The following LDLRAD3 variants were observed in gnomAD, a reference collection of about 807,000 sequenced individuals.
The protein encoded by LDLRAD3 is low-density lipoprotein receptor class A domain-containing protein 3.
In LDLRAD3, 20 loss-of-function variants were observed where a neutral mutation model predicts 29.4. The ratio of observed to expected loss-of-function variants is 0.68; its 90% CI spans 0.48 to 0.99. The LOEUF (loss-of-function observed/expected upper bound fraction) is 0.99. Ranked by LOEUF, LDLRAD3 falls within the 50% of genes least tolerant of loss-of-function variation. The pLI is 0.00. For missense variants in LDLRAD3, 420 were observed against 454.3 expected, an observed-to-expected ratio of 0.92 and a Z score of 0.69; for synonymous variants, 157 against 192.7, an observed-to-expected ratio of 0.81 and a Z score of 1.53.
chr11:36,147,684 G>A (rs2133324231), intron 4 of LDLRAD3, among the ~76,000 whole-genome samples: 1 of 152,128 alleles, frequency 6.6e-6, no homozygotes, highest in East Asian at 1.9e-4. Context: ...TCTCCTCATG[G>A]GGCTGTGGTA....
chr11:36,222,381 G>C (rs1855441769), intron 4 of LDLRAD3, among the ~76,000 whole-genome samples: 1 of 152,008 alleles, frequency 6.6e-6, no homozygotes, highest in African/African-American at 2.4e-5. Context: ...CACCATGCCT[G>C]GCCAATCTCA....
At chr11:36,055,913 A>G (rs1448736096) in intron 2 of LDLRAD3, among the ~76,000 whole-genome samples, 1 of 144,034 alleles carries the variant, frequency 6.9e-6, no homozygotes, top group East Asian at 2.4e-4. Flanking sequence ...GAGTTTGGGT[A>G]GCTTTAAGGT....
At chr11:36,058,039 T>C (rs1852646647) in intron 2 of LDLRAD3, among the ~76,000 whole-genome samples, 1 of 152,234 alleles carries the variant, frequency 6.6e-6, no homozygotes, top group Non-Finnish European at 1.5e-5. Context: ...GAGATGTCTC[T>C]TTGATTTTCC....
At chr11:36,050,936 T>G (rs192874129) in intron 2 of LDLRAD3, among the ~76,000 whole-genome samples, 1 of 152,258 alleles carries the variant, frequency 6.6e-6, no homozygotes, top group African/African-American at 2.4e-5. Flanking sequence ...TCATATGGTG[T>G]AAAGGATGCC....
At chr11:36,107,093 A>C (rs913862436) in intron 4 of LDLRAD3, among the ~76,000 whole-genome samples, 2 of 152,218 alleles carry the variant, frequency 1.3e-5, no homozygotes, top group Non-Finnish European at 2.9e-5. Context: ...AAGCCAGTGA[A>C]TCTTTGCTGT....
At chr11:36,022,697 G>A (rs943622236) in intron 1 of LDLRAD3, among the ~76,000 whole-genome samples, 3 of 152,134 alleles carry the variant, frequency 2.0e-5, no homozygotes, top group Non-Finnish European at 4.4e-5. Flanking sequence ...AAATGAGAAG[G>A]GCTCTATAAT....
At chr11:36,180,568 A>T (rs551668617) in intron 4 of LDLRAD3, among the ~76,000 whole-genome samples, 1 of 152,326 alleles carries the variant, frequency 6.6e-6, no homozygotes, top group African/African-American at 2.4e-5. Flanking sequence ...CTTATGAGGC[A>T]TTGAAGGGAC....
chr11:35,970,044 A>T (rs1343532681), intron 1 of LDLRAD3, among the ~76,000 whole-genome samples: 1 of 152,194 alleles, frequency 6.6e-6, no homozygotes, highest in Non-Finnish European at 1.5e-5. Flanking sequence ...TGTTAGCCAC[A>T]CACTGGAAGA....
At chr11:36,100,359 T>C (rs1417381965) in intron 4 of LDLRAD3, among the ~76,000 whole-genome samples, 2 of 152,120 alleles carry the variant, frequency 1.3e-5, no homozygotes, top group African/African-American at 2.4e-5. Context: ...GGACACCAAA[T>C]AGGGAACAAG....
chr11:35,988,389 G>A (rs916584291), intron 1 of LDLRAD3, among the ~76,000 whole-genome samples: 102 of 151,992 alleles, frequency 6.7e-4, no homozygotes, highest in African/African-American at 2.3e-3. Flanking sequence ...GTGGCTGTTC[G>A]TGTCTTTTGC....
intron 4 of LDLRAD3, among the ~76,000 whole-genome samples, chr11:36,106,709 T>TG (rs1853533947): frequency 6.6e-6 from 1 of 152,208 alleles, no homozygotes; most frequent in African/African-American, 2.4e-5. Context: ...TGCTGAAACT[T>TG]GGAGTTTGGT....
rs964956157 is a variant in LDLRAD3 at position 36,038,763 on chromosome 11, G to A, written c.193+2514G>A. ...TTCCTACCCTTAACCCCCAAGTGTG[G>A]TGGAGGTTTGAGTGGCATTTATTTA... On this transcript the variant is annotated intron_variant, in intron 2 of 5. Transcript: ENST00000315571. Among the ~76,000 whole-genome samples the A allele has an allele frequency of 5.3e-5, 8 of 152,216 alleles. No homozygotes were observed. In the South Asian group the frequency reaches 1.5e-3, roughly 28 times the overall value.
chr11:36,136,980 C>T (rs1191167934), intron 4 of LDLRAD3, among the ~76,000 whole-genome samples: 6 of 152,142 alleles, frequency 3.9e-5, no homozygotes, highest in Admixed American at 1.3e-4. Context: ...CATGAGCCAC[C>T]GCACCCAGCC....
chr11:36,190,931 C>G (rs534145216), intron 4 of LDLRAD3, among the ~76,000 whole-genome samples: 1 of 152,328 alleles, frequency 6.6e-6, no homozygotes, highest in African/African-American at 2.4e-5. Context: ...GAAGACAGTT[C>G]TGAAACAAAT....
At chr11:36,013,727 A>T (rs1851984403) in intron 1 of LDLRAD3, among the ~76,000 whole-genome samples, 2 of 152,054 alleles carry the variant, frequency 1.3e-5, no homozygotes, top group Non-Finnish European at 2.9e-5. Context: ...ATGGTGTTTT[A>T]CAAAGTCTGT....
At chr11:36,155,075 A>G (rs1854329042) in intron 4 of LDLRAD3, among the ~76,000 whole-genome samples, 3 of 152,112 alleles carry the variant, frequency 2.0e-5, no homozygotes. Context: ...CAATCTTTCC[A>G]GTTCAGGCTG....
chr11:36,095,647 G>A (rs1190541182), intron 3 of LDLRAD3, among the ~76,000 whole-genome samples: 1 of 152,154 alleles, frequency 6.6e-6, no homozygotes, highest in African/African-American at 2.4e-5. Flanking sequence ...CACGTATGTG[G>A]CGTTTTTCCT....
chr11:36,111,841 C>T (rs981813247), intron 4 of LDLRAD3, among the ~76,000 whole-genome samples: 7 of 152,216 alleles, frequency 4.6e-5, no homozygotes, highest in African/African-American at 1.7e-4. Flanking sequence ...TCGTGATCCA[C>T]CTGCCTCGGC....
At chr11:36,022,122 A>G (rs1449238100) in intron 1 of LDLRAD3, among the ~76,000 whole-genome samples, 1 of 152,172 alleles carries the variant, frequency 6.6e-6, no homozygotes, top group Non-Finnish European at 1.5e-5. Context: ...GTTTCCTAAT[A>G]AACAGTTCCC....
Sources: allele counts gnomAD v4.1 joint callset (sites outside exome capture counted in the v4.1 genomes callset), GRCh38; gene constraint gnomAD v4.1.1; transcripts MANE v1.5; gene names NCBI Gene and HGNC (gene_info 2026-07-23, HGNC 2026-07-21).